Variants in CHD5 observed in about 807,000 individuals in gnomAD.
The protein encoded by CHD5 is ATP-dependent chromatin remodeler CHD5.
In CHD5, 69 loss-of-function variants were observed where a neutral mutation model predicts 230.3. That is an observed-to-expected ratio of 0.30 (90% CI 0.25 to 0.37). The LOEUF (loss-of-function observed/expected upper bound fraction) is 0.37. Ranked by LOEUF, CHD5 falls within the 10% of genes least tolerant of loss-of-function variation. The pLI is 1.00. For missense variants in CHD5, 1,827 were observed against 2,622.8 expected (o/e 0.70, Z 6.63); for synonymous variants, 1,064 against 1,065.9 (o/e 1.00, Z 0.03).
At chr1:6,109,699 C>T in intron 38 of CHD5, 96 bp downstream of exon 38, 2 of 1,076,692 alleles carry the variant, frequency 1.9e-6, no homozygotes, top group Non-Finnish European at 2.8e-6. Flanking sequence ...CTGTCCCCAG[C>T]CCCTACCCCA....
intron 1 of CHD5, among the ~76,000 whole-genome samples, chr1:6,179,703 CCCGGGGGG>C (rs1667483356): frequency 6.8e-6 from 1 of 146,630 alleles, no homozygotes; most frequent in Non-Finnish European, 1.5e-5. Context: ...CGCGTCGCCG[CCCGGGGGG>C]CCCGGATCGC....
intron 33 of CHD5, among the ~76,000 whole-genome samples, chr1:6,114,188 G>T (rs1002942080): frequency 2.0e-5 from 3 of 152,030 alleles, no homozygotes; most frequent in Non-Finnish European, 4.4e-5. Flanking sequence ...GGGAGGCAGA[G>T]GTTGCAGTGA....
At position 6,142,659 on chromosome 1, in the gene CHD5, C is replaced by T. The variant is rs1666846956; in HGVS notation, c.2044-54G>A. On this transcript the variant is annotated intron_variant, in intron 13 of 41. Coordinates refer to ENST00000262450, the MANE Select transcript of CHD5 (RefSeq NM_015557.3). This position sits in a 1 kb window ranked among gnomAD's most constrained non-coding sequence, Gnocchi z 5.2. ...CCCCAGATCCTGGGCCACCAGAGTCCACACTACAGGCCTTTGCACATGCAA... is the reference window on the plus strand; with the variant it reads ...CCCCAGATCCTGGGCCACCAGAGTCTACACTACAGGCCTTTGCACATGCAA... 1.3e-6 allele frequency: 2 copies of T among 1,537,986 alleles called. No individual in the cohort carries two copies. Among genetic ancestry groups the T allele is most frequent in the South Asian group, 2.5e-5 (2 of 80,242 alleles).
At chr1:6,119,770 C>T (rs965685191) in intron 33 of CHD5, among the ~76,000 whole-genome samples, 5 of 148,050 alleles carry the variant, frequency 3.4e-5, no homozygotes, top group African/African-American at 9.9e-5. Context: ...TGCGTACATA[C>T]GTACATATGT....
At chr1:6,175,079 T>C (rs1667402847) in intron 1 of CHD5, among the ~76,000 whole-genome samples, 1 of 149,786 alleles carries the variant, frequency 6.7e-6, no homozygotes, top group Admixed American at 6.6e-5. Context: ...GATGAGTGGA[T>C]GGTGGATGGA....
Position 6,131,570 on chromosome 1 carries a change from G to C in CHD5, c.3262+61C>G. The C allele has an allele frequency of 2.0e-6, 2 of 995,418 alleles. No individual in the cohort carries two copies. Among genetic ancestry groups the C allele is most frequent in the Middle Eastern group, 2.1e-4 (1 of 4,768 alleles). 61.7% of individuals were successfully genotyped at this position (995,418 alleles called of 1,614,324 possible). A position where few individuals can be genotyped will look rare whatever the true frequency, so the allele number is the denominator to read the frequency against. ...AGCTGGGTGACCTGGCTAAGAACCA[G>C]GCCTGGGAGAAGAGGCCAAAAAGGA... On this transcript the variant is annotated intron_variant, in intron 21 of 41. Coordinates refer to ENST00000262450, the MANE Select transcript of CHD5 (RefSeq NM_015557.3). The surrounding 1 kb of genome is among the most constrained non-coding windows in gnomAD (Gnocchi z 5.0).
chr1:6,141,512 G>C (rs1435548328), intron 15 of CHD5, among the ~76,000 whole-genome samples: 2 of 151,390 alleles, frequency 1.3e-5, no homozygotes, highest in African/African-American at 4.9e-5. Context: ...CTACTCACGA[G>C]GCTGAGGTGG....
At chr1:6,106,204 G>A (rs781214463) in intron 41 of CHD5, 30 bp downstream of exon 41, 12 of 1,595,250 alleles carry the variant, frequency 7.5e-6, no homozygotes, top group Non-Finnish European at 1.0e-5. Flanking sequence ...TGGGGTGGCG[G>A]GGAGGAACAC....
Position 6,146,456 on chromosome 1 carries a change from G to A in CHD5, c.1591-33C>T. 6.3e-7 allele frequency: 1 copy of A among 1,595,726 alleles called. No homozygotes were observed. The highest frequency in any genetic ancestry group is 2.2e-5 in the East Asian group (1 of 44,734). On this transcript the variant is annotated intron_variant, in intron 10 of 41. Coordinates refer to ENST00000262450, the MANE Select transcript of CHD5 (RefSeq NM_015557.3). This position sits in a 1 kb window ranked among gnomAD's most constrained non-coding sequence, Gnocchi z 5.1. ...TGGAGCGGCACAAAGTCACAGAAGG[G>A]AGATGGGCCATGGTCCCCTGCATCT...
intron 1 of CHD5, among the ~76,000 whole-genome samples, chr1:6,169,386 G>A (rs1455890257): frequency 1.3e-5 from 2 of 152,356 alleles, no homozygotes; most frequent in East Asian, 3.9e-4. Flanking sequence ...AGGCCGAGGG[G>A]GCCCTGGCCG....
At chr1:6,109,718 C>G (rs1005796343) in intron 38 of CHD5, 77 bp downstream of exon 38, 1 of 1,289,596 alleles carries the variant, frequency 7.8e-7, no homozygotes, top group Non-Finnish European at 1.1e-6. Flanking sequence ...CATCAGTGCC[C>G]TCATCTACAG....
chr1:6,111,952 G>A, intron 35 of CHD5, 69 bp from the exon 36 acceptor site: 1 of 1,479,536 alleles, frequency 6.8e-7, no homozygotes, highest in Non-Finnish European at 9.3e-7. Context: ...GGCTTGGAGA[G>A]CCGCTCCCTC....
intron 2 of CHD5, 63 bp from the exon 3 acceptor site, chr1:6,159,578 G>A (rs1571166883): frequency 9.0e-6 from 13 of 1,438,912 alleles, no homozygotes; most frequent in Non-Finnish European, 1.2e-5. Context: ...GTCCTGGGTG[G>A]CAGGACGGCC....
chr1:6,150,942 CA>C, intron 7 of CHD5, 89 bp downstream of exon 7: 1 of 1,355,982 alleles, frequency 7.4e-7, no homozygotes, highest in Non-Finnish European at 9.6e-7. Flanking sequence ...ATCCACCCGG[CA>C]GGCCGAGAAC....
At chr1:6,108,547 G>A (rs1330881091) in intron 38 of CHD5, among the ~76,000 whole-genome samples, 1 of 149,944 alleles carries the variant, frequency 6.7e-6, no homozygotes, top group Non-Finnish European at 1.5e-5. Context: ...ATGGAAGGAT[G>A]AAGGGATGGA....
chr1:6,113,318 G>A, intron 33 of CHD5: 1 of 435,860 alleles, frequency 2.3e-6, no homozygotes. Context: ...CACCTGTTCA[G>A]GAAGCTGAGG....
intron 1 of CHD5, among the ~76,000 whole-genome samples, chr1:6,170,450 G>A (rs1487995077): frequency 6.6e-6 from 1 of 152,190 alleles, no homozygotes; most frequent in African/African-American, 2.4e-5. Flanking sequence ...TCTGGTGGCT[G>A]AGCGGACGCC....
chr1:6,109,954 G>A lies in CHD5; in HGVS notation c.5419C>T (p.Arg1807Trp), dbSNP rs762238932. The A allele has an allele frequency of 5.1e-6, 8 of 1,576,270 alleles. No homozygotes were observed. The highest frequency in any genetic ancestry group is 2.3e-5 in the East Asian group (1 of 44,428). The change falls in exon 38 of 42, where the codon CGG becomes TGG. Residue 1807 changes from arginine (R) to tryptophan (W), a missense_variant. Coordinates refer to ENST00000262450, the MANE Select transcript of CHD5 (RefSeq NM_015557.3). ...GTCATGTTCAGGTACGCGGCCCTCC[G>A]GAGCTGCTCCTCAATGACCAACGCC... ...EQALVIEEQLRRAAYLNMTQD... is the reference protein window; with the variant it reads ...EQALVIEEQLWRAAYLNMTQD...
intron 9 of CHD5, among the ~76,000 whole-genome samples, 170 bp from the exon 10 acceptor site, chr1:6,147,041 T>C (rs1251981327): frequency 1.3e-5 from 2 of 152,174 alleles, no homozygotes; most frequent in Non-Finnish European, 2.9e-5. Context: ...AGGAGCCGCA[T>C]GGGTCATGCA....
Sources: allele counts gnomAD v4.1 joint callset (sites outside exome capture counted in the v4.1 genomes callset), GRCh38; gene constraint gnomAD v4.1.1; non-coding constraint Gnocchi (gnomAD v3.1); transcripts MANE v1.5; gene names NCBI Gene and HGNC (gene_info 2026-07-23, HGNC 2026-07-21).